The following ZNF267 variants were observed in gnomAD, a reference collection of about 807,000 sequenced individuals.
ZNF267 encodes zinc finger (C2H2).
ZNF267 carries 61 observed loss-of-function variants against 71.6 expected under a neutral mutation model. That is an observed-to-expected ratio of 0.85 (90% CI 0.69 to 1.05). The LOEUF (loss-of-function observed/expected upper bound fraction) is 1.05, where lower values mean the gene tolerates loss of function less well. Among genes scored for constraint, ZNF267 ranks in the 50% least tolerant of loss-of-function variants. ZNF267 has a pLI of 0.00. For synonymous variants in ZNF267, 288 were observed against 293.2 expected, an observed-to-expected ratio of 0.98 and a Z score of 0.18; for missense variants, 852 against 870.0, an observed-to-expected ratio of 0.98 and a Z score of 0.26.
chr16:31,877,885 G>C (rs2083863229), intron 1 of ZNF267, among the ~76,000 whole-genome samples: 1 of 151,958 alleles, frequency 6.6e-6, no homozygotes, highest in South Asian at 2.1e-4. Flanking sequence ...ATGATAACCT[G>C]ATAAACATAA....
chr16:31,887,854 A>G (rs1380475590), intron 3 of ZNF267, among the ~76,000 whole-genome samples: 2 of 152,108 alleles, frequency 1.3e-5, no homozygotes, highest in African/African-American at 2.4e-5. Context: ...TGCATGGGCT[A>G]TTTGGAGTTA....
rs2084163218 is a variant in ZNF267, at chr16:31,915,042, C to G, written c.793C>G (p.Gln265Glu). ...TATGCATGGGCAAGAGAAACAAGAA[C>G]AGTCTTACAAATGTAATAAATGTGT... is the stretch of plus-strand genomic sequence containing the variant. ...QSMHGQEKQE[Q>E]SYKCNKCVEV... Residue 265 changes from glutamine (Q) to glutamate (E), a missense_variant, in exon 4 of 4, where the codon CAG (glutamine) becomes GAG (glutamate). Coordinates refer to ENST00000300870, the MANE Select transcript of ZNF267 (RefSeq NM_003414.6). 2 of 1,611,916 alleles carry G rather than the reference C, an allele frequency of 1.2e-6. No individual in the cohort carries two copies. Among genetic ancestry groups the G allele is most frequent in the East Asian group, 4.5e-5 (2 of 44,792 alleles).
chr16:31,892,912 T>C (rs962431366), intron 3 of ZNF267, among the ~76,000 whole-genome samples: 1 of 152,192 alleles, frequency 6.6e-6, no homozygotes, highest in African/African-American at 2.4e-5. Flanking sequence ...AAGCTGTCAG[T>C]GTATCTACTA....
In ZNF267 at chr16:31,885,155, A is replaced by C; in HGVS notation, c.131-6A>C. ...AAGAGTCATGTGAATTTTTCCAATA[A>C]AACAGGTCTTGTTGTCTCTAAGCCG... is the stretch of plus-strand genomic sequence containing the variant. On this transcript the variant is annotated splice_polypyrimidine_tract_variant and splice_region_variant and intron_variant, in intron 2 of 3. Transcript: ENST00000300870. 6.3e-7 allele frequency: 1 copy of C among 1,588,992 alleles called. No individual in the cohort carries two copies. Among genetic ancestry groups the C allele is most frequent in the African/African-American group, 1.4e-5 (1 of 73,704 alleles).
chr16:31,887,997 C>A (rs796565212), intron 3 of ZNF267, among the ~76,000 whole-genome samples: 11 of 152,132 alleles, frequency 7.2e-5, no homozygotes, highest in African/African-American at 2.6e-4. Flanking sequence ...TTTTTCCAAT[C>A]CATGAAGAAG....
chr16:31,901,520 G>A (rs1294920010), intron 3 of ZNF267, among the ~76,000 whole-genome samples: 1 of 152,168 alleles, frequency 6.6e-6, no homozygotes, highest in Non-Finnish European at 1.5e-5. Context: ...TCTCATTGTG[G>A]TTTTGATTTG....
At chr16:31,881,673 T>C (rs567093233) in intron 1 of ZNF267, among the ~76,000 whole-genome samples, 485 of 144,310 alleles carry the variant, frequency 3.4e-3, no homozygotes, top group South Asian at 0.018. Flanking sequence ...TCTTCTTCTT[T>C]TTTTTTTTTT....
rs1567472505 is a variant in ZNF267 at position 31,884,615 on chromosome 16, GTC to G, written c.127_128del (p.Leu43GlyfsTer6). On this transcript the variant is annotated frameshift_variant, in exon 2 of 4. Coordinates refer to ENST00000300870, the MANE Select transcript of ZNF267 (RefSeq NM_003414.6). LOFTEE classifies it high-confidence loss of function. ...GATGTTAGAAAACTACAGAAACCTG[GTC>G]TCTCTGGGTGAGGATAACTTGCCTT... ...DVMLENYRNLVSLGLVVSKPD... is the reference protein window; with the variant it reads ...DVMLENYRNLXSLGLVVSKPD... 1 of 1,613,852 alleles carries G rather than the reference GTC, an allele frequency of 6.2e-7. No homozygotes were observed.
At position 31,916,495 on chromosome 16, in the gene ZNF267, G is replaced by C. The variant is rs1177463685; in HGVS notation, c.*14G>C. The C allele has an allele frequency of 1.3e-6, 2 of 1,596,208 alleles. No homozygotes were observed. Among genetic ancestry groups the C allele is most frequent in the African/African-American group, 2.7e-5 (2 of 74,214 alleles). ...GAAAAACTTTAAAAATGTAAAACAT[G>C]GAGCAGATTTTTTACTTGTTACCCA... On this transcript the variant is annotated 3_prime_UTR_variant, in exon 4 of 4. Transcript: ENST00000300870.
chr16:31,909,957 A>C (rs2084123870), intron 3 of ZNF267, among the ~76,000 whole-genome samples: 2 of 152,034 alleles, frequency 1.3e-5, no homozygotes, highest in South Asian at 4.1e-4. Context: ...CAGCTTTTTG[A>C]GAGTTTTTAT....
chr16:31,889,061 CT>C (rs996815561), intron 3 of ZNF267, among the ~76,000 whole-genome samples: 6 of 150,256 alleles, frequency 4.0e-5, no homozygotes, highest in Non-Finnish European at 7.4e-5. Flanking sequence ...TCTAAGTTAT[CT>C]TTTTTTGTTA....
chr16:31,881,858 T>A (rs553687354), intron 1 of ZNF267, among the ~76,000 whole-genome samples: 123 of 151,966 alleles, frequency 8.1e-4, no homozygotes, highest in Non-Finnish European at 1.6e-3. Context: ...AGAGACAGGG[T>A]TTCACAATGT....
intron 3 of ZNF267, among the ~76,000 whole-genome samples, chr16:31,886,502 G>T (rs2083925456): frequency 6.6e-6 from 1 of 152,126 alleles, no homozygotes; most frequent in Admixed American, 6.5e-5. Context: ...CTTTTTATGA[G>T]AATCTATCTA....
rs201434703 is a variant in ZNF267 at position 31,915,002 on chromosome 16, A to G, written c.753A>G (p.Glu251=). 3.3e-5 allele frequency: 53 copies of G among 1,608,804 alleles called. No homozygotes were observed. Among genetic ancestry groups the G allele is most frequent in the Non-Finnish European group, 3.6e-5 (42 of 1,178,646 alleles). ...AATACAAATGTAAAGAATTTGAGGA[A>G]GTCTTTCTTCAGAGTATGCATGGGC... is the stretch of plus-strand genomic sequence containing the variant. ...EKQYKCKEFE[E]VFLQSMHGQE... Residue 251 remains glutamate, a synonymous_variant, in exon 4 of 4, where the codon GAA becomes GAG. Transcript: ENST00000300870.
chr16:31,888,277 G>A (rs148138301), intron 3 of ZNF267, among the ~76,000 whole-genome samples: 165 of 151,984 alleles, frequency 1.1e-3, no homozygotes, highest in African/African-American at 4.0e-3. Flanking sequence ...TAGTCTTTAT[G>A]GTTTTCTGTA....
intron 3 of ZNF267, among the ~76,000 whole-genome samples, chr16:31,886,028 A>G (rs185933397): frequency 2.5e-4 from 38 of 152,330 alleles, no homozygotes; most frequent in Non-Finnish European, 3.5e-4. Flanking sequence ...CTTAATAACT[A>G]TCATTCTATA....
chr16:31,903,472 A>G (rs2084059476), intron 3 of ZNF267, among the ~76,000 whole-genome samples: 1 of 152,096 alleles, frequency 6.6e-6, no homozygotes, highest in African/African-American at 2.4e-5. Flanking sequence ...AGAGCCTGTT[A>G]TTGGTCTGTT....
chr16:31,887,597 G>T (rs2083932773), intron 3 of ZNF267, among the ~76,000 whole-genome samples: 1 of 152,012 alleles, frequency 6.6e-6, no homozygotes, highest in Non-Finnish European at 1.5e-5. Flanking sequence ...TTATTCTTTT[G>T]CAGATGACTA....
intron 3 of ZNF267, among the ~76,000 whole-genome samples, chr16:31,898,617 GT>G (rs1262223112): frequency 1.3e-5 from 2 of 148,836 alleles, no homozygotes; most frequent in Non-Finnish European, 3.0e-5. Context: ...AGGTATTTTT[GT>G]GGTTACCATA....
Sources: allele counts gnomAD v4.1 joint callset (sites outside exome capture counted in the v4.1 genomes callset), GRCh38; gene constraint gnomAD v4.1.1; transcripts MANE v1.5; gene names NCBI Gene and HGNC (gene_info 2026-07-23, HGNC 2026-07-21).